CFH: variants seen among roughly 807,000 people sequenced by gnomAD.
CFH encodes the protein H factor 1 (complement).
CFH carries 53 observed loss-of-function variants against 147.3 expected under a neutral mutation model. The observed-to-expected ratio is 0.36, with a 90% confidence interval of 0.29 to 0.45. The LOEUF is 0.45. Ranked by LOEUF, CFH falls within the 20% of genes least tolerant of loss-of-function variation. The pLI is 1.00. For synonymous variants in CFH, 536 were observed against 489.4 expected, an observed-to-expected ratio of 1.10 and a Z score of -1.26; for missense variants, 1,380 against 1,498.0, an observed-to-expected ratio of 0.92 and a Z score of 1.30.
chr1:196,694,643 C>A (rs1473644000), intron 9 of CFH, among the ~76,000 whole-genome samples: 2 of 152,202 alleles, frequency 1.3e-5, no homozygotes, highest in Non-Finnish European at 2.9e-5. Flanking sequence ...TTTCCTATTT[C>A]TCCGCATCCT....
At chr1:196,723,461 A>G (rs1669051703) in intron 11 of CFH, among the ~76,000 whole-genome samples, 1 of 152,092 alleles carries the variant, frequency 6.6e-6, no homozygotes, top group Admixed American at 6.6e-5. Context: ...TACGCAGAAA[A>G]CTAACCTTGT....
chr1:196,715,546 T>G (rs1668849590), intron 10 of CFH, 47 bp from the exon 11 acceptor site: 1 of 1,420,266 alleles, frequency 7.0e-7, no homozygotes, highest in Non-Finnish European at 9.9e-7. Context: ...CTCAGATTGT[T>G]TATTAGATGA....
chr1:196,662,711 G>A lies in CFH; in HGVS notation c.59-10267G>A, dbSNP rs533159626. Among the ~76,000 whole-genome samples the A allele has an allele frequency of 1.8e-4, 28 of 151,792 alleles. No homozygotes were observed. The South Asian group carries it at 2.1e-3, about 11-fold the overall frequency. On this transcript the variant is annotated intron_variant, in intron 1 of 21. Coordinates refer to ENST00000367429, the MANE Select transcript of CFH (RefSeq NM_000186.4). ...AGCCTGGGCAAAACGGCAAAACCTC[G>A]TCTCTACAAAAAATACAAAAATTAG...
chr1:196,653,613 TTTAAG>T (rs1224160050), intron 1 of CFH, among the ~76,000 whole-genome samples: 1 of 151,968 alleles, frequency 6.6e-6, no homozygotes, highest in Non-Finnish European at 1.5e-5. Context: ...TAATAAACAG[TTTAAG>T]TTATTAAAAA....
At chr1:196,711,910 A>C (rs1668731591) in intron 9 of CFH, among the ~76,000 whole-genome samples, 1 of 151,972 alleles carries the variant, frequency 6.6e-6, no homozygotes, top group Non-Finnish European at 1.5e-5. Flanking sequence ...GTTGCTGTGG[A>C]AATTTGTAGA....
At chr1:196,725,752 G>A (rs1055918062) in intron 12 of CFH, among the ~76,000 whole-genome samples, 3 of 152,146 alleles carry the variant, frequency 2.0e-5, no homozygotes, top group Admixed American at 6.5e-5. Flanking sequence ...GCAGGGCAGT[G>A]ACAGGCTCTT....
chr1:196,727,032 A>C, intron 14 of CFH, 92 bp downstream of exon 14: 1 of 1,130,974 alleles, frequency 8.8e-7, no homozygotes, highest in South Asian at 1.3e-5. Flanking sequence ...AAATTTACAG[A>C]TATGCCTCAA....
chr1:196,700,769 G>A, intron 9 of CFH: 1 of 976,674 alleles, frequency 1.0e-6, no homozygotes, highest in African/African-American at 1.7e-5. Flanking sequence ...AGAAGCTCAA[G>A]AAGCTGCTTA....
intron 15 of CFH, among the ~76,000 whole-genome samples, chr1:196,736,197 G>A (rs375513807): frequency 6.6e-6 from 1 of 152,176 alleles, no homozygotes; most frequent in South Asian, 2.1e-4. Context: ...ATTAAACTGG[G>A]TGCATAACAT....
At chr1:196,699,786 T>C (rs1668396425) in intron 9 of CFH, among the ~76,000 whole-genome samples, 1 of 152,148 alleles carries the variant, frequency 6.6e-6, no homozygotes. Flanking sequence ...TTTTTTAAAT[T>C]GAAAACATCC....
intron 9 of CFH, among the ~76,000 whole-genome samples, chr1:196,692,885 C>A (rs61819917): frequency 0.5 from 26,850 of 53,306 alleles, 6,984 homozygotes; most frequent in East Asian, 0.8. Flanking sequence ...TCACCTCCCT[C>A]CCTCCCTCCC....
intron 3 of CFH, among the ~76,000 whole-genome samples, chr1:196,675,666 G>A (rs1014782949): frequency 9.9e-5 from 15 of 152,024 alleles, no homozygotes; most frequent in Non-Finnish European, 1.8e-4. Flanking sequence ...TAATGATTTT[G>A]TCGTGAACCA....
At chr1:196,673,403 T>C (rs559350) in intron 2 of CFH, 153,487 of 492,228 alleles carry the variant, frequency 0.31, 29,688 homozygotes, top group African/African-American at 0.72. Flanking sequence ...GTGGCGCTAT[T>C]TCGGCTCACT....
rs149090044 is a variant in CFH at position 196,694,126 on chromosome 1, G to A, written c.1336+3887G>A. 9.1e-4 allele frequency among the ~76,000 whole-genome samples: 138 copies of A among 152,070 alleles called. 1 individual carries two copies. Among genetic ancestry groups the A allele is most frequent in the African/African-American group, 3.0e-3 (123 of 41,478 alleles). On this transcript the variant is annotated intron_variant, in intron 9 of 21. Coordinates refer to ENST00000367429, the MANE Select transcript of CFH (RefSeq NM_000186.4). Reference sequence around the variant, plus strand: ...TAGGTTGTAAGCCTTGCATGAATTAGCTCTTTGTCCTGATGCTCTCTCTCC... The same window carrying A: ...TAGGTTGTAAGCCTTGCATGAATTAACTCTTTGTCCTGATGCTCTCTCTCC...
intron 9 of CFH, among the ~76,000 whole-genome samples, chr1:196,695,990 T>C (rs916306946): frequency 6.6e-6 from 1 of 152,142 alleles, no homozygotes; most frequent in Non-Finnish European, 1.5e-5. Flanking sequence ...TGAATACTCC[T>C]TATTTCTTTC....
intron 12 of CFH, among the ~76,000 whole-genome samples, chr1:196,726,165 G>A (rs944537544): frequency 6.6e-6 from 1 of 152,072 alleles, no homozygotes; most frequent in African/African-American, 2.4e-5. Flanking sequence ...AAAATGTTAT[G>A]ATAAAATGTT....
intron 5 of CFH, 110 bp downstream of exon 5, chr1:196,677,777 A>G: frequency 9.7e-7 from 1 of 1,035,810 alleles, no homozygotes; most frequent in East Asian, 2.5e-5. Flanking sequence ...GCTAATGTTT[A>G]TTGAGCACTT....
chr1:196,663,501 T>A (rs1414176184), intron 1 of CFH, among the ~76,000 whole-genome samples: 4 of 152,222 alleles, frequency 2.6e-5, no homozygotes, highest in Non-Finnish European at 5.9e-5. Flanking sequence ...AACAACAGAA[T>A]TAGTATTGTT....
intron 1 of CFH, among the ~76,000 whole-genome samples, chr1:196,652,754 G>C (rs1462293655): frequency 6.6e-6 from 1 of 151,694 alleles, no homozygotes; most frequent in Non-Finnish European, 1.5e-5. Flanking sequence ...CAGTTAAGTT[G>C]TTCAATAGAG....
Sources: gnomAD v4.1 joint callset for allele counts (sites outside exome capture counted in the v4.1 genomes callset) on GRCh38, gnomAD v4.1.1 for gene constraint, MANE v1.5 for transcripts, NCBI Gene and HGNC (gene_info 2026-07-23, HGNC 2026-07-21) for gene names.